ACTN1: variants seen among roughly 807,000 people sequenced by gnomAD.
The protein encoded by ACTN1 is alpha-actinin-1.
In ACTN1, 30 loss-of-function variants were observed where a neutral mutation model predicts 119.6. That is an observed-to-expected ratio of 0.25 (90% confidence interval 0.19 to 0.34). ACTN1 has a LOEUF of 0.34. Among genes scored for constraint, ACTN1 ranks in the 10% least tolerant of loss-of-function variants. ACTN1 has a pLI of 1.00. For missense variants in ACTN1, 764 were observed against 1,223.4 expected (o/e 0.62, Z 5.60); for synonymous variants, 429 against 472.6 (o/e 0.91, Z 1.20).
At chr14:68,881,297 T>C (rs1194191002) in intron 16 of ACTN1, among the ~76,000 whole-genome samples, 1 of 152,144 alleles carries the variant, frequency 6.6e-6, no homozygotes, top group Admixed American at 6.5e-5. Flanking sequence ...TTCACTCCTC[T>C]GCTTGCCATT....
In ACTN1 at chr14:68,909,878, A is replaced by C. The variant is rs1594799445; in HGVS notation, c.515+77T>G. On this transcript the variant is annotated intron_variant, in intron 5 of 21. Coordinates refer to ENST00000394419, the MANE Select transcript of ACTN1 (RefSeq NM_001130004.2). The surrounding 1 kb of genome is among the most constrained non-coding windows in gnomAD (Gnocchi z 4.1). ...CCACTTTGTTCTAAAGCTGAGACTG[A>C]CCCAGCCAAGGGGGTCTGGGAGCTC... is the stretch of plus-strand genomic sequence containing the variant. 1 of 1,275,842 alleles carries C rather than the reference A, an allele frequency of 7.8e-7. No individual in the cohort carries two copies. The highest frequency in any genetic ancestry group is 2.3e-5 in the East Asian group (1 of 43,262). 79.0% of individuals were successfully genotyped at this position (1,275,842 alleles called of 1,614,324 possible).
rs991186661 is a variant in ACTN1, at chr14:68,979,063, G to A, written c.-7C>T. 3.2e-6 allele frequency: 5 copies of A among 1,570,510 alleles called. No individual in the cohort carries two copies. The African/African-American group carries it at 5.5e-5, about 17-fold the overall frequency. On this transcript the variant is annotated 5_prime_UTR_variant, in exon 1 of 22. Coordinates refer to ENST00000394419, the MANE Select transcript of ACTN1 (RefSeq NM_001130004.2). ...GAGAATCATAATGGTCCATGATGGT[G>A]CGCGCGTGCTAGGGTCTGGATTTCT... is the stretch of plus-strand genomic sequence containing the variant.
intron 8 of ACTN1, among the ~76,000 whole-genome samples, chr14:68,894,413 C>T (rs889528742): frequency 1.3e-5 from 2 of 152,162 alleles, no homozygotes; most frequent in African/African-American, 4.8e-5. Context: ...TCATGCGCTG[C>T]GTGCTGGGCT....
intron 6 of ACTN1, among the ~76,000 whole-genome samples, chr14:68,905,059 C>T (rs576060520): frequency 6.6e-6 from 1 of 152,348 alleles, no homozygotes; most frequent in African/African-American, 2.4e-5. Flanking sequence ...AGTCACCATC[C>T]ATCCTGGCTT....
At chr14:68,970,269 G>A (rs1400028098) in intron 1 of ACTN1, among the ~76,000 whole-genome samples, 2 of 152,062 alleles carry the variant, frequency 1.3e-5, no homozygotes, top group East Asian at 3.9e-4. Flanking sequence ...CAAAGCTGGG[G>A]GTCAGGAAAT....
intron 1 of ACTN1, among the ~76,000 whole-genome samples, chr14:68,976,431 A>G (rs1039820763): frequency 1.3e-5 from 2 of 152,168 alleles, no homozygotes; most frequent in African/African-American, 4.8e-5. Flanking sequence ...CACCTCCTTA[A>G]TATCACCCTA....
intron 11 of ACTN1, 115 bp downstream of exon 11, chr14:68,890,024 G>C: frequency 6.8e-7 from 1 of 1,468,552 alleles, no homozygotes; most frequent in African/African-American, 1.4e-5. Context: ...CATGGAACTA[G>C]TAAGAGACCA....
At chr14:68,894,441 G>A (rs2032729231) in intron 8 of ACTN1, among the ~76,000 whole-genome samples, 1 of 152,148 alleles carries the variant, frequency 6.6e-6, no homozygotes, top group African/African-American at 2.4e-5. Context: ...ACCCAAGATG[G>A]CCTCAGCAGC....
chr14:68,964,305 G>A (rs2036631607), intron 1 of ACTN1, among the ~76,000 whole-genome samples: 1 of 152,166 alleles, frequency 6.6e-6, no homozygotes, highest in African/African-American at 2.4e-5. Context: ...CAGGAGTCAA[G>A]TACCCTCCAT....
At position 68,877,211 on chromosome 14, in the gene ACTN1, G is replaced by A. The variant is rs756856977; in HGVS notation, c.2457C>T (p.Ser819=). The change falls in exon 21 of 22, where the codon AGC becomes AGT. Residue 819 remains serine, a synonymous_variant. Transcript: ENST00000394419. Reference sequence around the variant, plus strand: ...CCCCCAGGCGGTTGGGGTCCACAATGCTCATGATGCGGGCAAATTCTGCTT... The same window carrying A: ...CCCCCAGGCGGTTGGGGTCCACAATACTCATGATGCGGGCAAATTCTGCTT... ...MGEAEFARIM[S]IVDPNRLGVV... The A allele has an allele frequency of 6.2e-7, 1 of 1,614,146 alleles. No individual in the cohort carries two copies. The highest frequency in any genetic ancestry group is 1.1e-5 in the South Asian group (1 of 91,084).
At chr14:68,890,567 G>A (rs2032397636) in intron 10 of ACTN1, among the ~76,000 whole-genome samples, 1 of 152,178 alleles carries the variant, frequency 6.6e-6, no homozygotes, top group African/African-American at 2.4e-5. Flanking sequence ...GTGGGGAAAG[G>A]GCCCCAGACT....
rs753604434 is a variant in ACTN1, at chr14:68,878,542, C to A, written c.2362-19G>T. 2.5e-6 allele frequency: 4 copies of A among 1,611,600 alleles called. No individual in the cohort carries two copies. Among genetic ancestry groups the A allele is most frequent in the Non-Finnish European group, 3.4e-6 (4 of 1,178,654 alleles). On this transcript the variant is annotated intron_variant, in intron 19 of 21. Transcript: ENST00000394419. The surrounding 1 kb of genome is among the most constrained non-coding windows in gnomAD (Gnocchi z 4.4). ...TCTTCTTCTGTGGGGGGCAGTGGTA[C>A]CAAGACACAAGGAGGGTCGGGAAGG...
chr14:68,881,111 T>C (rs183093397), intron 16 of ACTN1, 122 bp from the exon 17 acceptor site: 1 of 925,948 alleles, frequency 1.1e-6, no homozygotes, highest in Admixed American at 2.6e-5. Flanking sequence ...ATCCCAGCCC[T>C]AAGGAGGCCA....
intron 1 of ACTN1, among the ~76,000 whole-genome samples, chr14:68,952,053 T>A (rs2036189221): frequency 6.6e-6 from 1 of 152,166 alleles, no homozygotes; most frequent in African/African-American, 2.4e-5. Flanking sequence ...GGAAGCCACA[T>A]GAAGCTGGCA....
At chr14:68,948,731 T>C (rs1293728065) in intron 1 of ACTN1, among the ~76,000 whole-genome samples, 1 of 146,602 alleles carries the variant, frequency 6.8e-6, no homozygotes, top group Non-Finnish European at 1.5e-5. Flanking sequence ...ATGGCCTCTC[T>C]TTCTCTGTAA....
chr14:68,878,523 T>G lies in ACTN1; in HGVS notation c.2362A>C (p.Lys788Gln). ...TCCGTGTCCATCATGCCTGTCTTCTTCTGTGGGGGGCAGTGGTACCAAGAC... is the reference window on the plus strand; with the variant it reads ...TCCGTGTCCATCATGCCTGTCTTCTGCTGTGGGGGGCAGTGGTACCAAGAC... ...LGYDIGNDPQ[K>Q]KTGMMDTDDF... The change falls in exon 20 of 22, where the codon AAG becomes CAG. Residue 788 changes from lysine to glutamine, a missense_variant and splice_region_variant. Transcript: ENST00000394419. The surrounding 1 kb of genome is among the most constrained non-coding windows in gnomAD (Gnocchi z 4.4). 1.9e-6 allele frequency: 3 copies of G among 1,607,500 alleles called. No homozygotes were observed. The highest frequency in any genetic ancestry group is 2.6e-6 in the Non-Finnish European group (3 of 1,176,182).
intron 2 of ACTN1, among the ~76,000 whole-genome samples, chr14:68,922,585 C>T (rs1279897469): frequency 6.6e-6 from 1 of 152,188 alleles, no homozygotes; most frequent in Non-Finnish European, 1.5e-5. Flanking sequence ...AAGCGGAGTG[C>T]CCCAGCCATT....
intron 1 of ACTN1, among the ~76,000 whole-genome samples, chr14:68,944,759 G>A (rs111902431): frequency 3.3e-5 from 5 of 152,068 alleles, no homozygotes; most frequent in African/African-American, 1.2e-4. Context: ...AAATGTGAAG[G>A]GGGCCCACAT....
rs575571615 is a variant in ACTN1, at chr14:68,883,399, A to G, written c.1636-344T>C. On this transcript the variant is annotated intron_variant, in intron 14 of 21. Coordinates refer to ENST00000394419, the MANE Select transcript of ACTN1 (RefSeq NM_001130004.2). ...GCTCCTGGCAAAACCTTTTAAATCC[A>G]GTATTCTGCAACTGCATGAAAGATT... is the stretch of plus-strand genomic sequence containing the variant. The G allele has an allele frequency of 3.7e-5, 9 of 241,648 alleles. No individual in the cohort carries two copies. The South Asian group carries it at 8.9e-4, about 24-fold the overall frequency. 15.0% of individuals were successfully genotyped at this position (241,648 alleles called of 1,614,324 possible).
Sources: gnomAD v4.1 joint callset for allele counts (sites outside exome capture counted in the v4.1 genomes callset) on GRCh38, gnomAD v4.1.1 for gene constraint, Gnocchi (gnomAD v3.1) non-coding constraint, MANE v1.5 for transcripts, NCBI Gene and HGNC (gene_info 2026-07-23, HGNC 2026-07-21) for gene names.